The following DYSF variants were observed in gnomAD, a reference collection of about 807,000 sequenced individuals.
The protein encoded by DYSF is dysferlin.
DYSF carries 212 observed loss-of-function variants against 274.9 expected under a neutral mutation model. The ratio of observed to expected loss-of-function variants is 0.77; its 90% CI spans 0.69 to 0.86. The LOEUF (loss-of-function observed/expected upper bound fraction) is 0.86, where lower values mean the gene tolerates loss of function less well. Among genes scored for constraint, DYSF ranks in the 40% least tolerant of loss-of-function variants. The pLI is 0.00. For missense variants in DYSF, 2,666 were observed against 2,783.2 expected (o/e 0.96, Z 0.95); for synonymous variants, 1,091 against 1,078.7 (o/e 1.01, Z -0.22).
intron 36 of DYSF, among the ~76,000 whole-genome samples, chr2:71,609,673 C>T (rs192158437): frequency 9.2e-5 from 14 of 152,320 alleles, no homozygotes; most frequent in African/African-American, 3.4e-4. Flanking sequence ...AGAGCTGGAA[C>T]TAGAGTTGAG....
In DYSF at chr2:71,473,918, ATT is replaced by A. The variant is rs10659171; in HGVS notation, c.92-6941_92-6940del. ...TAATTGCAGTTCTACTTTCTGTATG[ATT>A]TTTTTTTTTTTTTTTTTTTTTTTGA... is the stretch of plus-strand genomic sequence containing the variant. On this transcript the variant is annotated intron_variant, in intron 1 of 55. Transcript: ENST00000410020. Among the ~76,000 whole-genome samples the A allele has an allele frequency of 8.0e-3, 674 of 83,790 alleles. 3 individuals carry two copies. Among genetic ancestry groups the A allele is most frequent in the African/African-American group, 0.033 (570 of 17,516 alleles). 55.0% of individuals were successfully genotyped at this position (83,790 alleles called of 152,430 possible).
chr2:71,614,923 G>C (rs182880402), intron 40 of DYSF, among the ~76,000 whole-genome samples: 1 of 152,176 alleles, frequency 6.6e-6, no homozygotes, highest in Non-Finnish European at 1.5e-5. Flanking sequence ...CCTCTGGGCT[G>C]CTTGGGTGTT....
At position 71,489,574 on chromosome 2, in the gene DYSF, G is replaced by A. The variant is rs2083646841; in HGVS notation, c.239+7604G>A. ...CCTATGTCAATGAGTTTCATTTGTT[G>A]AGGGAATGTGGAGGTTTCCAGGAAG... On this transcript the variant is annotated intron_variant, in intron 3 of 55. Coordinates refer to ENST00000410020, the MANE Select transcript of DYSF (RefSeq NM_001130987.2). Among the ~76,000 whole-genome samples the A allele has an allele frequency of 2.0e-5, 3 of 152,192 alleles. No homozygotes were observed. In the South Asian group the frequency reaches 6.2e-4, roughly 32 times the overall value.
At chr2:71,582,106 C>CAAAAAAAAA (rs1159294834) in intron 30 of DYSF, among the ~76,000 whole-genome samples, 10 of 35,114 alleles carry the variant, frequency 2.8e-4, no homozygotes, top group South Asian at 1.4e-3. Flanking sequence ...GACTCCGTCT[C>CAAAAAAAAA]AAAAAAAAAA....
At chr2:71,503,434 C>A in intron 4 of DYSF, 115 bp downstream of exon 4, 2 of 1,066,786 alleles carry the variant, frequency 1.9e-6, no homozygotes, top group Non-Finnish European at 2.8e-6. Context: ...TCCCTTGAAG[C>A]AGGCCTGGCC....
intron 49 of DYSF, 115 bp from the exon 50 acceptor site, chr2:71,668,997 C>A: frequency 7.8e-7 from 1 of 1,287,140 alleles, no homozygotes; most frequent in Non-Finnish European, 1.1e-6. Context: ...CAGTGTCCAG[C>A]CAGGCAGGCA....
intron 32 of DYSF, among the ~76,000 whole-genome samples, chr2:71,595,564 G>A: frequency 6.6e-6 from 1 of 152,226 alleles, no homozygotes; most frequent in East Asian, 1.9e-4. Context: ...CCTCCCCGGA[G>A]CTCCAGGAAG....
intron 44 of DYSF, 61 bp downstream of exon 44, chr2:71,659,094 A>G: frequency 1.9e-6 from 3 of 1,608,704 alleles, no homozygotes; most frequent in Non-Finnish European, 1.7e-6. Context: ...AGTGGCCTAT[A>G]GAACCTGGAC....
Position 71,453,910 on chromosome 2 carries a change from G to A in DYSF, c.-89G>A, listed in dbSNP as rs565292811. ...CCTCGCCCAGCCAGCCCTCTCCAGC[G>A]AGGGGACCCACAAGCGGCGCCTCGG... On this transcript the variant is annotated 5_prime_UTR_variant, in exon 1 of 55. Coordinates refer to the DYSF transcript ENST00000258104. The A allele has an allele frequency of 1.9e-5, 25 of 1,325,474 alleles. No homozygotes were observed. In the African/African-American group the frequency reaches 3.3e-4, roughly 18 times the overall value. The allele number at this position is 1,325,474 out of a possible 1,614,324, so 82.1% of individuals were successfully genotyped here.
intron 52 of DYSF, among the ~76,000 whole-genome samples, chr2:71,678,436 G>T (rs980068030): frequency 6.6e-6 from 1 of 151,980 alleles, no homozygotes; most frequent in African/African-American, 2.4e-5. Flanking sequence ...AGACACAAAA[G>T]AACAAATATT....
chr2:71,510,131 CAAGA>C (rs1169136780), intron 4 of DYSF, among the ~76,000 whole-genome samples: 1 of 152,202 alleles, frequency 6.6e-6, no homozygotes, highest in Non-Finnish European at 1.5e-5. Flanking sequence ...CTTTCTGGTG[CAAGA>C]AGATGGTCCA....
At chr2:71,455,734 G>A (rs940909334) in intron 1 of DYSF, among the ~76,000 whole-genome samples, 10 of 152,136 alleles carry the variant, frequency 6.6e-5, no homozygotes, top group African/African-American at 2.4e-4. Context: ...CCCATTTATA[G>A]CCCCTGAACC....
chr2:71,610,940 C>T, intron 36 of DYSF: 1 of 437,158 alleles, frequency 2.3e-6, no homozygotes, highest in Non-Finnish European at 4.3e-6. Flanking sequence ...GAGGGGCAGA[C>T]CCGGAGCAGC....
chr2:71,672,649 G>A (rs1376103627), intron 51 of DYSF, among the ~76,000 whole-genome samples: 1 of 152,182 alleles, frequency 6.6e-6, no homozygotes, highest in Non-Finnish European at 1.5e-5. Flanking sequence ...CCAGGCTGGA[G>A]CCCCAGCCCA....
intron 12 of DYSF, among the ~76,000 whole-genome samples, chr2:71,524,889 A>G (rs1463901867): frequency 1.3e-5 from 2 of 152,138 alleles, no homozygotes; most frequent in African/African-American, 4.8e-5. Context: ...AGCCTGTGTT[A>G]CACCTCAGCT....
At chr2:71,497,111 G>A (rs770787296) in intron 3 of DYSF, among the ~76,000 whole-genome samples, 2 of 152,226 alleles carry the variant, frequency 1.3e-5, no homozygotes, top group Non-Finnish European at 2.9e-5. Context: ...CCTAGTTGAT[G>A]TAACTGCCCT....
At chr2:71,612,911 C>A in intron 39 of DYSF, 105 bp downstream of exon 39, 1 of 1,385,994 alleles carries the variant, frequency 7.2e-7, no homozygotes, top group Non-Finnish European at 9.8e-7. Flanking sequence ...TTACGGAGAC[C>A]TGAATGAGAA....
At chr2:71,483,227 G>A (rs900439078) in intron 3 of DYSF, among the ~76,000 whole-genome samples, 2 of 152,146 alleles carry the variant, frequency 1.3e-5, no homozygotes, top group Admixed American at 6.5e-5. Flanking sequence ...TCTTGGGCCC[G>A]TCTCTTCCAG....
At chr2:71,667,565 CA>C in intron 48 of DYSF, 50 bp downstream of exon 48, 1 of 1,611,116 alleles carries the variant, frequency 6.2e-7, no homozygotes, top group Non-Finnish European at 8.5e-7. Flanking sequence ...CAGAAAGCCC[CA>C]ACCCCAGGGA....
Sources: allele counts gnomAD v4.1 joint callset (sites outside exome capture counted in the v4.1 genomes callset), GRCh38; gene constraint gnomAD v4.1.1; transcripts MANE v1.5; gene names NCBI Gene and HGNC (gene_info 2026-07-23, HGNC 2026-07-21).